The following RIPK2 variants were observed in gnomAD, a reference collection of about 807,000 sequenced individuals.
RIPK2 encodes receptor-interacting serine/threonine-protein kinase 2.
In RIPK2, 38 loss-of-function variants were observed where a neutral mutation model predicts 60.9. That is an observed-to-expected ratio of 0.62 (90% confidence interval 0.48 to 0.82). RIPK2 has a LOEUF of 0.82. Among genes scored for constraint, RIPK2 ranks in the 40% least tolerant of loss-of-function variants. The pLI, the probability that RIPK2 is intolerant of heterozygous loss-of-function variation, is 0.00. For synonymous variants in RIPK2, 225 were observed against 223.4 expected, an observed-to-expected ratio of 1.01 and a Z score of -0.06; for missense variants, 518 against 647.0, an observed-to-expected ratio of 0.80 and a Z score of 2.16.
Position 89,790,625 on chromosome 8 carries a change from C to A in RIPK2, c.*209C>A. 2.3e-6 allele frequency: 1 copy of A among 426,972 alleles called. No individual in the cohort carries two copies. 26.4% of individuals were successfully genotyped at this position (426,972 alleles called of 1,614,324 possible). ...TTGCTACATAGTTCAATTTTTATGTCTCTTTTGTTAACAGAAACCACTTTT... is the reference window on the plus strand; with the variant it reads ...TTGCTACATAGTTCAATTTTTATGTATCTTTTGTTAACAGAAACCACTTTT... On this transcript the variant is annotated 3_prime_UTR_variant, in exon 11 of 11. Transcript: ENST00000220751.
intron 8 of RIPK2, among the ~76,000 whole-genome samples, chr8:89,784,472 T>A (rs1255812374): frequency 6.6e-6 from 1 of 152,240 alleles, no homozygotes; most frequent in Non-Finnish European, 1.5e-5. Context: ...TATGCTACCT[T>A]GTTCTTACCT....
At chr8:89,777,521 C>T (rs1809418552) in intron 6 of RIPK2, among the ~76,000 whole-genome samples, 1 of 152,030 alleles carries the variant, frequency 6.6e-6, no homozygotes, top group African/African-American at 2.4e-5. Flanking sequence ...TATTTTTAAA[C>T]TGTCTTAACT....
chr8:89,764,553 T>C (rs1478169647), intron 2 of RIPK2, among the ~76,000 whole-genome samples: 2 of 152,192 alleles, frequency 1.3e-5, no homozygotes, highest in Non-Finnish European at 2.9e-5. Context: ...TTGCCTGATC[T>C]TCCAAAGTAT....
chr8:89,776,491 C>A (rs1225859778), intron 6 of RIPK2, among the ~76,000 whole-genome samples: 1 of 152,174 alleles, frequency 6.6e-6, no homozygotes, highest in Admixed American at 6.5e-5. Flanking sequence ...AGAACACATT[C>A]CATTATCTGT....
At chr8:89,776,231 C>T (rs998855808) in intron 6 of RIPK2, among the ~76,000 whole-genome samples, 1 of 152,146 alleles carries the variant, frequency 6.6e-6, no homozygotes, top group African/African-American at 2.4e-5. Context: ...AGAATTCCTC[C>T]TATACTTCTC....
chr8:89,785,202 C>T (rs1428968613), intron 8 of RIPK2, among the ~76,000 whole-genome samples: 2 of 152,156 alleles, frequency 1.3e-5, no homozygotes, highest in Admixed American at 6.5e-5. Context: ...TGGGTGGACA[C>T]GATGGCTCAA....
chr8:89,772,439 A>G (rs1387960859), intron 5 of RIPK2, among the ~76,000 whole-genome samples: 1 of 152,060 alleles, frequency 6.6e-6, no homozygotes, highest in Non-Finnish European at 1.5e-5. Flanking sequence ...AAATCCAATC[A>G]CATGGTCAAG....
At chr8:89,758,500 C>T (rs1285311387) in intron 1 of RIPK2, among the ~76,000 whole-genome samples, 1 of 152,228 alleles carries the variant, frequency 6.6e-6, no homozygotes, top group African/African-American at 2.4e-5. Context: ...TTCCCTCTTA[C>T]TCCTAGGCGT....
At chr8:89,761,206 T>C (rs540345839) in intron 1 of RIPK2, among the ~76,000 whole-genome samples, 1 of 152,356 alleles carries the variant, frequency 6.6e-6, no homozygotes, top group South Asian at 2.1e-4. Flanking sequence ...TGTCTGTTGC[T>C]ATTCATATTT....
chr8:89,785,740 T>C (rs988366488), intron 8 of RIPK2, among the ~76,000 whole-genome samples: 1 of 152,224 alleles, frequency 6.6e-6, no homozygotes, highest in African/African-American at 2.4e-5. Flanking sequence ...ATGTACAGTA[T>C]TTCATTTGAT....
chr8:89,779,046 T>C (rs1403411869), intron 6 of RIPK2, among the ~76,000 whole-genome samples: 1 of 152,178 alleles, frequency 6.6e-6, no homozygotes, highest in South Asian at 2.1e-4. Context: ...TTTCTTATGA[T>C]GTTAAGCATC....
Position 89,786,601 on chromosome 8 carries a change from T to C in RIPK2, c.1038T>C (p.Cys346=). 3 of 1,563,238 alleles carry C rather than the reference T, an allele frequency of 1.9e-6. No homozygotes were observed. Among genetic ancestry groups the C allele is most frequent in the Non-Finnish European group, 2.6e-6 (3 of 1,139,272 alleles). The change falls in exon 9 of 11, where the codon TGT becomes TGC. Residue 346 remains cysteine, a synonymous_variant. Coordinates refer to ENST00000220751, the MANE Select transcript of RIPK2 (RefSeq NM_003821.6). The part of the protein sequence containing the change: ...PVNHGPQEES[C]GSSQLHENSG... ...TTTTTTATTTACTTTAGGAATCATG[T>C]GGATCCTCTCAGCTCCATGAAAATA...
intron 6 of RIPK2, among the ~76,000 whole-genome samples, chr8:89,775,286 T>TA (rs917298123): frequency 2.4e-4 from 35 of 147,910 alleles, no homozygotes; most frequent in African/African-American, 7.0e-4. Flanking sequence ...AAAATAAAAA[T>TA]AAAAAAAAAA....
intron 6 of RIPK2, among the ~76,000 whole-genome samples, chr8:89,778,489 A>G (rs1044023214): frequency 1.4e-4 from 22 of 152,142 alleles, no homozygotes; most frequent in African/African-American, 5.3e-4. Flanking sequence ...CACTAACCCT[A>G]GGTAACCAGT....
rs1429440025 is a variant in RIPK2 at position 89,790,214 on chromosome 8, A to G, written c.1421A>G (p.Tyr474Cys). The G allele has an allele frequency of 1.9e-6, 3 of 1,614,162 alleles. No homozygotes were observed. The highest frequency in any genetic ancestry group is 2.5e-6 in the Non-Finnish European group (3 of 1,180,008). Residue 474 changes from tyrosine (Y) to cysteine (C), a missense_variant, in exon 11 of 11, where the codon TAT becomes TGT. By Grantham distance (194) the Tyr-to-Cys change is radical (BLOSUM62 -2). Coordinates refer to ENST00000220751, the MANE Select transcript of RIPK2 (RefSeq NM_003821.6). Reference protein sequence around the residue: ...LSRDLIMKEDYELVSTKPTRT... With the variant: ...LSRDLIMKEDCELVSTKPTRT... ...AGGGACTTGATCATGAAAGAGGACT[A>G]TGAACTTGTTAGTACCAAGCCTACA...
intron 8 of RIPK2, among the ~76,000 whole-genome samples, 154 bp downstream of exon 8, chr8:89,784,293 A>G (rs539660414): frequency 6.6e-6 from 1 of 152,308 alleles, no homozygotes; most frequent in East Asian, 1.9e-4. Context: ...TCAATCTCCA[A>G]CTTGAAACCC....
intron 1 of RIPK2, among the ~76,000 whole-genome samples, chr8:89,758,894 TG>T (rs2130537287): frequency 6.6e-6 from 1 of 152,254 alleles, no homozygotes; most frequent in East Asian, 1.9e-4. Context: ...TTACTTTATG[TG>T]GCCACGAGAA....
At chr8:89,768,548 G>T (rs940317534) in intron 3 of RIPK2, among the ~76,000 whole-genome samples, 1 of 151,644 alleles carries the variant, frequency 6.6e-6, no homozygotes, top group Non-Finnish European at 1.5e-5. Flanking sequence ...ACTCCTAAAA[G>T]TGCTATTATA....
intron 3 of RIPK2, among the ~76,000 whole-genome samples, chr8:89,768,343 TTCTC>T (rs1312428523): frequency 1.3e-5 from 2 of 151,764 alleles, no homozygotes; most frequent in East Asian, 1.9e-4. Flanking sequence ...GGTTTTAAGT[TTCTC>T]TCCAAGTTTT....
Sources: allele counts gnomAD v4.1 joint callset (sites outside exome capture counted in the v4.1 genomes callset), GRCh38; gene constraint gnomAD v4.1.1; transcripts MANE v1.5; gene names NCBI Gene and HGNC (gene_info 2026-07-23, HGNC 2026-07-21).